Variants in CEP112 observed in about 807,000 individuals in gnomAD.
CEP112 encodes centrosomal protein of 112 kDa.
A neutral mutation model predicts 153.0 loss-of-function variants in CEP112; 127 were observed. The ratio of observed to expected loss-of-function variants is 0.83; its 90% confidence interval spans 0.72 to 0.96. The LOEUF (loss-of-function observed/expected upper bound fraction) is 0.96, where lower values mean the gene tolerates loss of function less well. CEP112 is among the 40% of genes least tolerant of loss of function. The probability of loss-of-function intolerance (pLI) is 0.00; values close to 1 mark genes in which losing one functional copy is unlikely to be tolerated. For missense variants in CEP112, 1,089 were observed against 1,101.2 expected (o/e 0.99, Z 0.16); for synonymous variants, 358 against 374.4 (o/e 0.96, Z 0.51).
intron 20 of CEP112, among the ~76,000 whole-genome samples, chr17:65,890,368 T>C (rs1320686208): frequency 6.6e-6 from 1 of 152,232 alleles, no homozygotes; most frequent in Non-Finnish European, 1.5e-5. Context: ...CTGTTTAGAA[T>C]GCTTTTTCCA....
chr17:65,730,220 G>C (rs1034396043), intron 23 of CEP112, among the ~76,000 whole-genome samples: 2 of 152,160 alleles, frequency 1.3e-5, no homozygotes, highest in Non-Finnish European at 2.9e-5. Flanking sequence ...AATAAAAACT[G>C]CCAGAGAATA....
chr17:65,893,558 C>T (rs2059553505), intron 20 of CEP112, among the ~76,000 whole-genome samples: 2 of 152,032 alleles, frequency 1.3e-5, no homozygotes, highest in South Asian at 4.1e-4. Flanking sequence ...TTTGTTTCAA[C>T]TAAAAAACAT....
chr17:65,944,690 A>G (rs1339534898), intron 18 of CEP112, among the ~76,000 whole-genome samples: 1 of 152,078 alleles, frequency 6.6e-6, no homozygotes, highest in Non-Finnish European at 1.5e-5. Context: ...GCTGGGCTCA[A>G]GTGATCATCT....
At chr17:66,075,508 A>G (rs1259991722) in intron 8 of CEP112, among the ~76,000 whole-genome samples, 1 of 152,188 alleles carries the variant, frequency 6.6e-6, no homozygotes, top group Non-Finnish European at 1.5e-5. Flanking sequence ...AAGGCAAGAA[A>G]GGAGCAACAG....
intron 8 of CEP112, among the ~76,000 whole-genome samples, chr17:66,089,518 C>A (rs2068060321): frequency 6.6e-6 from 1 of 151,746 alleles, no homozygotes; most frequent in South Asian, 2.1e-4. Flanking sequence ...TCTGGAGCTG[C>A]AAAATATAAC....
At chr17:65,866,280 CG>C (rs1307460468) in intron 20 of CEP112, among the ~76,000 whole-genome samples, 1 of 152,202 alleles carries the variant, frequency 6.6e-6, no homozygotes, top group African/African-American at 2.4e-5. Context: ...TGCGCACCCT[CG>C]AGGTATCACG....
intron 4 of CEP112, among the ~76,000 whole-genome samples, chr17:66,158,437 C>T (rs1598461578): frequency 6.6e-6 from 1 of 152,050 alleles, no homozygotes; most frequent in East Asian, 1.9e-4. Flanking sequence ...ACAGTGAAAA[C>T]CCATCTCTAC....
At chr17:65,971,676 CATATTACATGCGTGT>C (rs2062838716) in intron 17 of CEP112, among the ~76,000 whole-genome samples, 1 of 152,070 alleles carries the variant, frequency 6.6e-6, no homozygotes, top group African/African-American at 2.4e-5. Context: ...ATGTTACATG[CATATTACATGCGTGT>C]ATATTACATG....
At chr17:65,860,868 T>C (rs1481606287) in intron 20 of CEP112, among the ~76,000 whole-genome samples, 3 of 152,180 alleles carry the variant, frequency 2.0e-5, no homozygotes, top group Admixed American at 6.5e-5. Context: ...TGTCCATCAA[T>C]TGATGAACAC....
rs1347901901 is a variant in CEP112, at chr17:65,927,684, T to C, written c.1878A>G (p.Glu626=). 6.5e-7 allele frequency: 1 copy of C among 1,540,814 alleles called. No homozygotes were observed. Among genetic ancestry groups the C allele is most frequent in the South Asian group, 1.3e-5 (1 of 76,752 alleles). The change falls in exon 19 of 27, where the codon GAA becomes GAG. Residue 626 remains glutamate, a synonymous_variant. Transcript: ENST00000535342. ...ATCTAGTTAGATCTGCCTCCACTTT[T>C]TCCATCTATAAAATTTAAAAATCAA... The part of the protein sequence containing the change: ...KVYAEMKEQM[E]KVEADLTRSK...
intron 12 of CEP112, among the ~76,000 whole-genome samples, chr17:66,042,676 T>C (rs188505010): frequency 1.1e-3 from 173 of 152,188 alleles, no homozygotes; most frequent in Admixed American, 2.4e-3. Flanking sequence ...ACGAAGGAAA[T>C]CTGAATAAAT....
At chr17:65,670,243 C>T (rs1216677800) in intron 24 of CEP112, among the ~76,000 whole-genome samples, 8 of 150,914 alleles carry the variant, frequency 5.3e-5, no homozygotes, top group African/African-American at 1.9e-4. Context: ...TTTCAAAATA[C>T]CCTCTAATTA....
At chr17:66,008,579 T>C (rs1279418927) in intron 16 of CEP112, among the ~76,000 whole-genome samples, 1 of 152,080 alleles carries the variant, frequency 6.6e-6, no homozygotes, top group Non-Finnish European at 1.5e-5. Context: ...ATGCCTGCCC[T>C]CAAGTGAACC....
chr17:65,855,963 C>T (rs2146343896), intron 20 of CEP112, among the ~76,000 whole-genome samples: 1 of 152,092 alleles, frequency 6.6e-6, no homozygotes, highest in Non-Finnish European at 1.5e-5. Context: ...ACTCAGGAGG[C>T]TGAGGAAAGA....
intron 20 of CEP112, among the ~76,000 whole-genome samples, chr17:65,886,270 T>C (rs1004736120): frequency 1.3e-5 from 2 of 152,194 alleles, no homozygotes; most frequent in Non-Finnish European, 2.9e-5. Flanking sequence ...GTTCAAAGGC[T>C]GACAGATGTC....
chr17:66,028,062 A>G (rs2065296437), intron 15 of CEP112, among the ~76,000 whole-genome samples: 1 of 107,250 alleles, frequency 9.3e-6, no homozygotes, highest in South Asian at 2.3e-4. Context: ...ATATTTAAAT[A>G]AAATTTATTT....
chr17:65,944,006 G>A (rs115961184), intron 18 of CEP112, among the ~76,000 whole-genome samples: 1 of 152,216 alleles, frequency 6.6e-6, no homozygotes, highest in African/African-American at 2.4e-5. Flanking sequence ...ACTTGTCGTT[G>A]CATTGTGAAG....
chr17:66,021,465 G>A (rs1432853770), intron 16 of CEP112, among the ~76,000 whole-genome samples: 2 of 152,142 alleles, frequency 1.3e-5, no homozygotes, highest in East Asian at 3.9e-4. Flanking sequence ...TGTGGCCACA[G>A]GCAGCTTTGA....
chr17:65,906,303 GAAATACCT>G (rs1248062224), intron 19 of CEP112, among the ~76,000 whole-genome samples: 2 of 152,028 alleles, frequency 1.3e-5, no homozygotes, highest in African/African-American at 2.4e-5. Context: ...AGCATTAGGA[GAAATACCT>G]AATGTAGGTG....
Sources: allele counts gnomAD v4.1 joint callset (sites outside exome capture counted in the v4.1 genomes callset), GRCh38; gene constraint gnomAD v4.1.1; transcripts MANE v1.5; gene names NCBI Gene and HGNC (gene_info 2026-07-23, HGNC 2026-07-21).